Variants in SLC22A25 observed in about 807,000 individuals in gnomAD.
SLC22A25 encodes MGI:2442751, MGI:2385316, MGI:3042283, MGI:3645714, MGI:3605624, MGI:2442750.
Under a neutral mutation model 45.9 loss-of-function variants are expected in SLC22A25, and 44 were observed. The observed-to-expected ratio is 0.96, with a 90% confidence interval of 0.75 to 1.23. The LOEUF (loss-of-function observed/expected upper bound fraction) is 1.23, where lower values mean the gene tolerates loss of function less well. SLC22A25 is among the 50% of genes most tolerant of loss of function. The pLI is 0.00. For synonymous variants in SLC22A25, 283 were observed against 238.6 expected (o/e 1.19, Z -1.72); for missense variants, 800 against 666.4 (o/e 1.20, Z -2.21).
chr11:63,217,567 A>G lies in SLC22A25; in HGVS notation c.661+14T>C, dbSNP rs2089747144. 1.2e-6 allele frequency: 2 copies of G among 1,610,790 alleles called. No homozygotes were observed. The highest frequency in any genetic ancestry group is 1.7e-6 in the Non-Finnish European group (2 of 1,178,264). On this transcript the variant is annotated intron_variant, in intron 6 of 11. Transcript: ENST00000306494. ...CCAAGGCTTGGAAAATGTGGATCGA[A>G]AATATTGACTTACTTAACAAAACAG... is the stretch of plus-strand genomic sequence containing the variant.
At chr11:63,178,811 T>C (rs2134729812) in intron 9 of SLC22A25, among the ~76,000 whole-genome samples, 1 of 152,252 alleles carries the variant, frequency 6.6e-6, no homozygotes, top group East Asian at 1.9e-4. Context: ...GATTTTTAGC[T>C]TGATGTAATT....
chr11:63,225,407 T>C (rs1178918102), intron 5 of SLC22A25, among the ~76,000 whole-genome samples: 1 of 152,212 alleles, frequency 6.6e-6, no homozygotes, highest in Non-Finnish European at 1.5e-5. Flanking sequence ...TATAGTATTA[T>C]AGGGTAAAAG....
At chr11:63,213,204 C>T (rs945835358) in intron 7 of SLC22A25, among the ~76,000 whole-genome samples, 2 of 152,134 alleles carry the variant, frequency 1.3e-5, no homozygotes, top group African/African-American at 2.4e-5. Flanking sequence ...CAAGGCTCCT[C>T]CCTTATATGA....
At position 63,197,024 on chromosome 11, in the gene SLC22A25, A is replaced by G. The variant is rs189768232; in HGVS notation, c.831-13207T>C. The stretch of plus-strand genomic sequence containing the variant: ...TTCACAATTACTTCAAAGAGAATAA[A>G]ATACCTAGGAATCCAACTTACAAGA... On this transcript the variant is annotated intron_variant, in intron 7 of 11. Coordinates refer to ENST00000306494, the MANE Select transcript of SLC22A25 (RefSeq NM_199352.6). Among the ~76,000 whole-genome samples the G allele has an allele frequency of 9.4e-4, 143 of 152,308 alleles. 1 individual carries two copies. The highest frequency in any genetic ancestry group is 4.3e-3 in the Admixed American group (65 of 15,290).
intron 7 of SLC22A25, among the ~76,000 whole-genome samples, chr11:63,187,323 CACTCATGATTT>C (rs967978641): frequency 1.3e-5 from 2 of 152,106 alleles, no homozygotes; most frequent in African/African-American, 4.8e-5. Context: ...AATGGGAGTT[CACTCATGATTT>C]GGCTCTCTGT....
At chr11:63,180,575 C>G in intron 9 of SLC22A25, 85 bp downstream of exon 9, 1 of 953,602 alleles carries the variant, frequency 1.0e-6, no homozygotes, top group Non-Finnish European at 1.5e-6. Flanking sequence ...AAATATTTTC[C>G]TTCAACATGT....
intron 7 of SLC22A25, among the ~76,000 whole-genome samples, chr11:63,216,175 C>T (rs1312232811): frequency 6.6e-6 from 1 of 152,114 alleles, no homozygotes; most frequent in Admixed American, 6.6e-5. Context: ...CAATGAGATG[C>T]CATCTCACAC....
intron 5 of SLC22A25, among the ~76,000 whole-genome samples, chr11:63,219,638 G>A (rs1280860927): frequency 8.6e-5 from 13 of 151,992 alleles, no homozygotes; most frequent in Admixed American, 7.2e-4. Flanking sequence ...TTTGATCATG[G>A]CTGTCTCTGC....
intron 5 of SLC22A25, chr11:63,218,011 G>C (rs537478089): frequency 6.8e-6 from 4 of 592,494 alleles, no homozygotes; most frequent in Non-Finnish European, 1.3e-5. Flanking sequence ...CTGGGATGTT[G>C]AAATGTTAAC....
Position 63,160,382 on chromosome 11 carries a change from C to A in SLC22A25, c.*3442G>T, listed in dbSNP as rs2087523508. Reference sequence around the variant, plus strand: ...GGCTGTGGCTTCAGAGGGTGCAAGCCCCAAGCCTTGACAGCTTCCATGTGG... The same window carrying A: ...GGCTGTGGCTTCAGAGGGTGCAAGCACCAAGCCTTGACAGCTTCCATGTGG... On this transcript the variant is annotated 3_prime_UTR_variant, in exon 12 of 12. Transcript: ENST00000306494. Among the ~76,000 whole-genome samples, 1 of 152,152 alleles carries A rather than the reference C, an allele frequency of 6.6e-6. No homozygotes were observed. Among genetic ancestry groups the A allele is most frequent in the Non-Finnish European group, 1.5e-5 (1 of 68,034 alleles).
At chr11:63,199,381 T>A (rs1452418752) in intron 7 of SLC22A25, among the ~76,000 whole-genome samples, 1 of 152,012 alleles carries the variant, frequency 6.6e-6, no homozygotes, top group Non-Finnish European at 1.5e-5. Flanking sequence ...AACAGACCAA[T>A]AACAAGCTCT....
Position 63,231,697 on chromosome 11 carries a change from A to G in SLC22A25, c.-444-1601T>C, listed in dbSNP as rs371006814. ...TTGGCATTTGTTGTTTTAGACATGA[A>G]GTCCTTGCCCATGCCTATGTCCTGA... On this transcript the variant is annotated intron_variant, in intron 3 of 11. Transcript: ENST00000306494. 2.6e-4 allele frequency among the ~76,000 whole-genome samples: 39 copies of G among 152,046 alleles called. No homozygotes were observed. The East Asian group carries it at 7.4e-3, about 29-fold the overall frequency.
chr11:63,167,199 G>A (rs1226683215), intron 9 of SLC22A25: 1 of 152,216 alleles, frequency 6.6e-6, no homozygotes, highest in African/African-American at 2.4e-5. Flanking sequence ...GTGTGCCAAT[G>A]CTACCAGGGC....
At chr11:63,194,449 A>G (rs1262103645) in intron 7 of SLC22A25, among the ~76,000 whole-genome samples, 3 of 151,758 alleles carry the variant, frequency 2.0e-5, no homozygotes, top group Non-Finnish European at 3.0e-5. Flanking sequence ...CCAGAATTTC[A>G]TATGCAGCCA....
intron 7 of SLC22A25, among the ~76,000 whole-genome samples, chr11:63,210,250 TAACA>T (rs1394325925): frequency 2.6e-5 from 4 of 151,840 alleles, no homozygotes; most frequent in African/African-American, 7.3e-5. Context: ...CTCCTGGAAA[TAACA>T]AACAAAGTAT....
At chr11:63,212,668 G>C (rs2089603857) in intron 7 of SLC22A25, among the ~76,000 whole-genome samples, 1 of 142,392 alleles carries the variant, frequency 7.0e-6, no homozygotes, top group Admixed American at 7.0e-5. Context: ...GGTCTGTTGT[G>C]GGGTGGGGGA....
intron 3 of SLC22A25, among the ~76,000 whole-genome samples, chr11:63,233,298 G>A (rs1180476787): frequency 6.6e-6 from 1 of 152,078 alleles, no homozygotes; most frequent in Non-Finnish European, 1.5e-5. Context: ...ATAAATTATT[G>A]CCTCAATTTC....
rs552372514 is a variant in SLC22A25, at chr11:63,188,514, T to G, written c.831-4697A>C. Among the ~76,000 whole-genome samples, 140 of 152,346 alleles carry G rather than the reference T, an allele frequency of 9.2e-4. 1 individual carries two copies. The highest frequency in any genetic ancestry group is 1.6e-3 in the Non-Finnish European group (107 of 68,036). On this transcript the variant is annotated intron_variant, in intron 7 of 11. Coordinates refer to ENST00000306494, the MANE Select transcript of SLC22A25 (RefSeq NM_199352.6). ...AAAACCAGCTCCTGGATTCATTGAT[T>G]TTTTGAAGAGTTCTTTGTGTCTCTA...
At chr11:63,165,935 G>A in intron 10 of SLC22A25, 109 bp downstream of exon 10, 2 of 1,344,954 alleles carry the variant, frequency 1.5e-6, no homozygotes, top group South Asian at 3.0e-5. Flanking sequence ...AGGGAATCCT[G>A]AGAACTCAAT....
Sources: allele counts gnomAD v4.1 joint callset (sites outside exome capture counted in the v4.1 genomes callset), GRCh38; gene constraint gnomAD v4.1.1; transcripts MANE v1.5; gene names NCBI Gene and HGNC (gene_info 2026-07-23, HGNC 2026-07-21).